CACHD1: variants seen among roughly 807,000 people sequenced by gnomAD.
CACHD1 encodes cache domain containing 1, also known as VWFA and cache domain-containing protein 1.
CACHD1 carries 71 observed loss-of-function variants against 138.7 expected under a neutral mutation model. The observed-to-expected ratio is 0.51, with a 90% CI of 0.42 to 0.62. The LOEUF (loss-of-function observed/expected upper bound fraction) is 0.62. Among genes scored for constraint, CACHD1 ranks in the 20% least tolerant of loss-of-function variants. The pLI, the probability that CACHD1 is intolerant of heterozygous loss-of-function variation, is 0.00. For synonymous variants in CACHD1, 578 were observed against 591.5 expected (o/e 0.98, Z 0.33); for missense variants, 1,389 against 1,625.3 (o/e 0.85, Z 2.50).
chr1:64,687,448 A>G (rs1438885080), intron 26 of CACHD1, among the ~76,000 whole-genome samples: 1 of 152,212 alleles, frequency 6.6e-6, no homozygotes, highest in Admixed American at 6.5e-5. Flanking sequence ...GAATGCCCTT[A>G]GTATGAGAGT....
intron 13 of CACHD1, among the ~76,000 whole-genome samples, chr1:64,662,226 A>G (rs980477940): frequency 1.3e-5 from 2 of 152,218 alleles, no homozygotes; most frequent in Non-Finnish European, 2.9e-5. Flanking sequence ...CAGAGATTCT[A>G]AAAGACTACA....
At chr1:64,574,977 G>C (rs1646955584) in intron 2 of CACHD1, among the ~76,000 whole-genome samples, 1 of 152,110 alleles carries the variant, frequency 6.6e-6, no homozygotes, top group Non-Finnish European at 1.5e-5. Flanking sequence ...TGAATAAAAT[G>C]GTTAGTTAAC....
At chr1:64,565,771 G>A (rs552443501) in intron 2 of CACHD1, among the ~76,000 whole-genome samples, 1 of 152,254 alleles carries the variant, frequency 6.6e-6, no homozygotes, top group South Asian at 2.1e-4. Flanking sequence ...CATAAGAAGA[G>A]CAGGTATTAT....
At chr1:64,471,025 G>A (rs1332863629) in intron 1 of CACHD1, 83 bp downstream of exon 1, 1 of 1,372,108 alleles carries the variant, frequency 7.3e-7, no homozygotes, top group African/African-American at 1.5e-5. Flanking sequence ...AAGTCCCCTG[G>A]ACTGTGTGCA....
intron 2 of CACHD1, among the ~76,000 whole-genome samples, chr1:64,563,158 A>T (rs1208864156): frequency 7.5e-6 from 1 of 134,056 alleles, no homozygotes; most frequent in Non-Finnish European, 1.5e-5. Flanking sequence ...CCCACCCAGT[A>T]CTCTAGTATT....
chr1:64,470,663 C>G lies in CACHD1; in HGVS notation c.-82C>G, dbSNP rs889309034. ...CAGAGGAAGAAACTTTTGCGGGGTGCGCCGCGCTTTTGCGGGGGGCACCTC... is the reference window on the plus strand; with the variant it reads ...CAGAGGAAGAAACTTTTGCGGGGTGGGCCGCGCTTTTGCGGGGGGCACCTC... On this transcript the variant is annotated 5_prime_UTR_variant, in exon 1 of 27. Transcript: ENST00000651257. This position sits in a 1 kb window ranked among gnomAD's most constrained non-coding sequence, Gnocchi z 5.2. The G allele has an allele frequency of 2.2e-6, 1 of 452,838 alleles. No homozygotes were observed. The highest frequency in any genetic ancestry group is 3.9e-6 in the Non-Finnish European group (1 of 259,276). 28.1% of individuals were successfully genotyped at this position (452,838 alleles called of 1,614,324 possible).
intron 2 of CACHD1, among the ~76,000 whole-genome samples, chr1:64,569,064 G>A (rs1158446852): frequency 1.3e-5 from 2 of 152,060 alleles, no homozygotes; most frequent in African/African-American, 2.4e-5. Context: ...TGGGATTACA[G>A]GCATGCGCCA....
intron 2 of CACHD1, among the ~76,000 whole-genome samples, chr1:64,561,193 T>C (rs1646836462): frequency 1.3e-5 from 2 of 151,886 alleles, no homozygotes; most frequent in Non-Finnish European, 2.9e-5. Flanking sequence ...TAGCTCCTCC[T>C]TCCCAACCCA....
At chr1:64,598,227 A>G (rs763700833) in intron 3 of CACHD1, among the ~76,000 whole-genome samples, 3 of 152,192 alleles carry the variant, frequency 2.0e-5, no homozygotes, top group Non-Finnish European at 4.4e-5. Context: ...AGCCCTGTAT[A>G]TCTTAAGCCC....
At chr1:64,534,311 T>C (rs1207915418) in intron 1 of CACHD1, among the ~76,000 whole-genome samples, 1 of 152,174 alleles carries the variant, frequency 6.6e-6, no homozygotes, top group Non-Finnish European at 1.5e-5. Context: ...CCCAAAGTGC[T>C]GGGATTACAG....
rs531969928 is a variant in CACHD1, at chr1:64,541,693, G to A, written c.199-8901G>A. Among the ~76,000 whole-genome samples the A allele has an allele frequency of 2.6e-5, 4 of 152,228 alleles. No homozygotes were observed. In the East Asian group the frequency reaches 5.8e-4, roughly 22 times the overall value. On this transcript the variant is annotated intron_variant, in intron 1 of 26. Coordinates refer to ENST00000651257, the MANE Select transcript of CACHD1 (RefSeq NM_020925.4). ...CAAAAAAAACAAAAATTAGCTAGGCGTGCTGGTACGCTCCTGTATTTCCAG... is the reference window on the plus strand; with the variant it reads ...CAAAAAAAACAAAAATTAGCTAGGCATGCTGGTACGCTCCTGTATTTCCAG...
chr1:64,529,037 A>G (rs1646561615), intron 1 of CACHD1, among the ~76,000 whole-genome samples: 1 of 152,130 alleles, frequency 6.6e-6, no homozygotes, highest in South Asian at 2.1e-4. Flanking sequence ...AGTATCTGTT[A>G]TAATTTGGAG....
chr1:64,688,958 T>C (rs547117303), intron 26 of CACHD1, among the ~76,000 whole-genome samples: 81 of 152,340 alleles, frequency 5.3e-4, no homozygotes, highest in African/African-American at 1.7e-3. Context: ...CCATTGGCTT[T>C]GGAATTCCTT....
chr1:64,674,386 T>C (rs1234282431), intron 19 of CACHD1, among the ~76,000 whole-genome samples: 2 of 152,196 alleles, frequency 1.3e-5, no homozygotes, highest in Non-Finnish European at 2.9e-5. Flanking sequence ...TGACTTATTC[T>C]GTGTATCTTC....
chr1:64,649,281 C>G (rs567006297), intron 9 of CACHD1, among the ~76,000 whole-genome samples: 12 of 152,114 alleles, frequency 7.9e-5, no homozygotes, highest in Non-Finnish European at 1.6e-4. Flanking sequence ...ACTGCAGCCT[C>G]GACCTCCTGG....
chr1:64,498,054 G>A (rs905281926), intron 1 of CACHD1, among the ~76,000 whole-genome samples: 3 of 152,234 alleles, frequency 2.0e-5, no homozygotes, highest in South Asian at 2.1e-4. Flanking sequence ...TTGAACCCAG[G>A]AGGCGGAGGT....
At chr1:64,673,104 GAA>G (rs397819120) in intron 17 of CACHD1, 52 bp from the exon 18 acceptor site, 62 of 1,258,312 alleles carry the variant, frequency 4.9e-5, no homozygotes, top group Non-Finnish European at 6.5e-5. Flanking sequence ...GAATACGTTT[GAA>G]AAAAAAAAAA....
chr1:64,631,228 T>G (rs1471510209), intron 5 of CACHD1, among the ~76,000 whole-genome samples: 3 of 152,250 alleles, frequency 2.0e-5, no homozygotes, highest in Non-Finnish European at 4.4e-5. Flanking sequence ...AGTGTGTCAT[T>G]TTAAAGAAAA....
intron 2 of CACHD1, among the ~76,000 whole-genome samples, chr1:64,560,208 T>C (rs1482929127): frequency 1.3e-5 from 2 of 152,148 alleles, no homozygotes; most frequent in Admixed American, 1.3e-4. Context: ...TAATTTTCTC[T>C]TGTTTTCTAT....
Sources: allele counts gnomAD v4.1 joint callset (sites outside exome capture counted in the v4.1 genomes callset), GRCh38; gene constraint gnomAD v4.1.1; non-coding constraint Gnocchi (gnomAD v3.1); transcripts MANE v1.5; gene names NCBI Gene and HGNC (gene_info 2026-07-23, HGNC 2026-07-21).